ZNF510: variants seen among roughly 807,000 people sequenced by gnomAD.
ZNF510 encodes the protein zinc finger protein 510.
Under a neutral mutation model 18.1 loss-of-function variants are expected in ZNF510, and 15 were observed. That is an observed-to-expected ratio of 0.83 (90% CI 0.55 to 1.28). The LOEUF (loss-of-function observed/expected upper bound fraction) is 1.28, where lower values mean the gene tolerates loss of function less well. ZNF510 is among the 50% of genes most tolerant of loss of function. The pLI is 0.00. For synonymous variants in ZNF510, 261 were observed against 266.4 expected (o/e 0.98, Z 0.20); for missense variants, 724 against 791.8 (o/e 0.91, Z 1.03).
Position 96,754,686 on chromosome 9 carries a change from T to C in ZNF510, c.*4092A>G, listed in dbSNP as rs949680838. 6.6e-6 allele frequency among the ~76,000 whole-genome samples: 1 copy of C among 151,546 alleles called. No homozygotes were observed. The highest frequency in any genetic ancestry group is 1.5e-5 in the Non-Finnish European group (1 of 68,044). ...AAAATACCCGTGAATAGGGAACTTA[T>C]AGCAATATTTTACCTATTTATAATA... On this transcript the variant is annotated 3_prime_UTR_variant, in exon 6 of 6. Coordinates refer to ENST00000223428, the MANE Select transcript of ZNF510 (RefSeq NM_014930.3).
In ZNF510 at chr9:96,758,086, G is replaced by A. The variant is rs1237446150; in HGVS notation, c.*692C>T. 2 of 152,202 alleles carry A rather than the reference G, an allele frequency of 1.3e-5. No homozygotes were observed. The highest frequency in any genetic ancestry group is 2.9e-5 in the Non-Finnish European group (2 of 68,028). 9.4% of individuals were successfully genotyped at this position (152,202 alleles called of 1,614,324 possible). A position where few individuals can be genotyped will look rare whatever the true frequency, so the allele number is the denominator to read the frequency against. The stretch of plus-strand genomic sequence containing the variant: ...TAACTTTAAAGTACAGTTGACCATG[G>A]TTAATGGAAATTGCGTAAAGTGAAA... On this transcript the variant is annotated 3_prime_UTR_variant, in exon 6 of 6. Coordinates refer to ENST00000223428, the MANE Select transcript of ZNF510 (RefSeq NM_014930.3).
At position 96,758,874 on chromosome 9, in the gene ZNF510, C is replaced by T; in HGVS notation, c.1956G>A (p.Gly652=). The T allele has an allele frequency of 6.2e-7, 1 of 1,614,022 alleles. No homozygotes were observed. Among genetic ancestry groups the T allele is most frequent in the Non-Finnish European group, 8.5e-7 (1 of 1,179,960 alleles). Residue 652 remains glycine, a synonymous_variant, in exon 6 of 6, where the codon GGG becomes GGA. Coordinates refer to ENST00000223428, the MANE Select transcript of ZNF510 (RefSeq NM_014930.3). Reference sequence around the variant, plus strand: ...ATTCATTGCATTCATAAGATTTCTCCCCACTGTGAGTCCTTTGATGTATTC... The same window carrying T: ...ATTCATTGCATTCATAAGATTTCTCTCCACTGTGAGTCCTTTGATGTATTC... ...NLRIHQRTHS[G]EKSYECNEYG...
At position 96,759,678 on chromosome 9, in the gene ZNF510, T is replaced by C; in HGVS notation, c.1152A>G (p.Lys384=). The C allele has an allele frequency of 6.2e-7, 1 of 1,613,688 alleles. No individual in the cohort carries two copies. ...CTCTGTGAACCGACGTCTGGTAGGA[T>C]TTCTTATTTTCATGATATTCAGAGG... ...VKSSEYHENK[K]SYQTSVHRVR... is the part of the protein sequence containing the mutation. Residue 384 remains lysine, a synonymous_variant, in exon 6 of 6, where the codon AAA becomes AAG. Transcript: ENST00000223428.
rs756187329 is a variant in ZNF510, at chr9:96,754,808, G to A, written c.*3970C>T. ...GCAAGTATTTCTGAGTGCCTAATAC[G>A]AAGAGGGACTGCTTCATGTGTTTGA... On this transcript the variant is annotated 3_prime_UTR_variant, in exon 6 of 6. Coordinates refer to ENST00000223428, the MANE Select transcript of ZNF510 (RefSeq NM_014930.3). Among the ~76,000 whole-genome samples, 3 of 152,178 alleles carry A rather than the reference G, an allele frequency of 2.0e-5. No homozygotes were observed. Among genetic ancestry groups the A allele is most frequent in the Non-Finnish European group, 2.9e-5 (2 of 68,036 alleles).
At chr9:96,775,848 A>C in intron 2 of ZNF510, 152 bp downstream of exon 2, 1 of 926,598 alleles carries the variant, frequency 1.1e-6, no homozygotes, top group South Asian at 2.0e-5. Context: ...GCAAGAATGA[A>C]GAAAATGGGG....
rs1440978537 is a variant in ZNF510, at chr9:96,755,380, C to T, written c.*3398G>A. 6.6e-6 allele frequency among the ~76,000 whole-genome samples: 1 copy of T among 152,136 alleles called. No homozygotes were observed. Among genetic ancestry groups the T allele is most frequent in the African/African-American group, 2.4e-5 (1 of 41,430 alleles). On this transcript the variant is annotated 3_prime_UTR_variant, in exon 6 of 6. Coordinates refer to ENST00000223428, the MANE Select transcript of ZNF510 (RefSeq NM_014930.3). ...CAGAGTAAACAGTGATGTTTTGATTCTCAGGGACTAACTGGTCCTAACAGG... is the reference window on the plus strand; with the variant it reads ...CAGAGTAAACAGTGATGTTTTGATTTTCAGGGACTAACTGGTCCTAACAGG...
Position 96,764,981 on chromosome 9 carries a change from T to C in ZNF510, c.130-1349A>G, listed in dbSNP as rs559741841. Among the ~76,000 whole-genome samples, 92 of 150,506 alleles carry C rather than the reference T, an allele frequency of 6.1e-4. 1 individual carries two copies. Among genetic ancestry groups the C allele is most frequent in the African/African-American group, 2.3e-3 (90 of 39,990 alleles). On this transcript the variant is annotated intron_variant, in intron 3 of 5. Transcript: ENST00000223428. ...TACAAAAATTAGCCGGGTGTGGTGG[T>C]GAGTGCCTGTAATCCTAGCTACTCA... is the stretch of plus-strand genomic sequence containing the variant.
intron 5 of ZNF510, among the ~76,000 whole-genome samples, chr9:96,762,514 A>G (rs1336302568): frequency 6.8e-6 from 1 of 146,570 alleles, no homozygotes; most frequent in Non-Finnish European, 1.5e-5. Flanking sequence ...GTCTCAAAAA[A>G]AAAAAAAAAG....
In ZNF510 at chr9:96,755,684, T is replaced by A. The variant is rs1452142152; in HGVS notation, c.*3094A>T. Among the ~76,000 whole-genome samples the A allele has an allele frequency of 2.0e-5, 3 of 152,234 alleles. No homozygotes were observed. Among genetic ancestry groups the A allele is most frequent in the Non-Finnish European group, 4.4e-5 (3 of 68,048 alleles). On this transcript the variant is annotated 3_prime_UTR_variant, in exon 6 of 6. Transcript: ENST00000223428. ...GCCAGTCCTATTCACAAAATGATGT[T>A]ACTAAAATATCAGAATGTTTAATCA...
Position 96,759,002 on chromosome 9 carries a change from C to T in ZNF510, c.1828G>A (p.Val610Ile). The change falls in exon 6 of 6, where the codon GTC becomes ATC. Residue 610 changes from valine (V) to isoleucine (I), a missense_variant. Physicochemically the swap from Val to Ile is conservative, Grantham distance 29. Transcript: ENST00000223428. ...FKCNECGKKF[V>I]RKAILSDHQR... ...TGATCACTAAGGATTGCTTTCCGGACAAATTTCTTCCCACATTCATTACAT... is the reference window on the plus strand; with the variant it reads ...TGATCACTAAGGATTGCTTTCCGGATAAATTTCTTCCCACATTCATTACAT... 4.3e-6 allele frequency: 7 copies of T among 1,613,846 alleles called. No homozygotes were observed. Among genetic ancestry groups the T allele is most frequent in the Non-Finnish European group, 5.9e-6 (7 of 1,179,918 alleles).
intron 3 of ZNF510, among the ~76,000 whole-genome samples, chr9:96,767,935 A>T (rs1209728470): frequency 6.6e-6 from 1 of 152,222 alleles, no homozygotes; most frequent in Non-Finnish European, 1.5e-5. Flanking sequence ...TATGATATGT[A>T]TCCCTTCTGA....
rs920370069 is a variant in ZNF510, at chr9:96,759,158, G to A, written c.1672C>T (p.His558Tyr). The A allele has an allele frequency of 2.5e-6, 4 of 1,613,858 alleles. No homozygotes were observed. The South Asian group carries it at 4.4e-5, about 18-fold the overall frequency. The change falls in exon 6 of 6, where the codon CAT becomes TAT. Residue 558 changes from histidine (H) to tyrosine (Y), a missense_variant. By Grantham distance (83) the His-to-Tyr change is moderately conservative. Transcript: ENST00000223428. ...TGAGTTTTCTGATGTTGAATGAGAT[G>A]ATCTTTTCGCCAGAAGGATTTTTCA... ...ECEKSFWRKD[H>Y]LIQHQKTHTG...
At chr9:96,766,549 G>C (rs1849476599) in intron 3 of ZNF510, among the ~76,000 whole-genome samples, 1 of 151,794 alleles carries the variant, frequency 6.6e-6, no homozygotes, top group Non-Finnish European at 1.5e-5. Context: ...TCTGACCACT[G>C]ATATAGAAGA....
rs1463673930 is a variant in ZNF510 at position 96,774,796 on chromosome 9, T to A, written c.121A>T (p.Ile41Leu). 2.5e-6 allele frequency: 4 copies of A among 1,613,562 alleles called. No individual in the cohort carries two copies. In the African/African-American group the frequency reaches 5.3e-5, roughly 22 times the overall value. ...ATTAGTAATTAACTCACCTGAGATA[T>A]GTTCATTTTCTGCTGCTCCTGAAAG... The part of the protein sequence containing the change: ...TLFQEQQKMN[I>L]SQASVSFKDV... The change falls in exon 3 of 6, where the codon ATA becomes TTA. Residue 41 changes from isoleucine (I) to leucine (L), a missense_variant. Ile to Leu is a conservative substitution (Grantham distance 5). Transcript: ENST00000223428.
At position 96,758,652 on chromosome 9, in the gene ZNF510, T is replaced by G; in HGVS notation, c.*126A>C. On this transcript the variant is annotated 3_prime_UTR_variant, in exon 6 of 6. Transcript: ENST00000223428. ...TGGTTTCTTTCCTATGTGAATTCTC[T>G]GATTCACAGTGAGGGTTTACTTCTG... The G allele has an allele frequency of 1.0e-6, 1 of 963,204 alleles. No individual in the cohort carries two copies. Among genetic ancestry groups the G allele is most frequent in the Admixed American group, 3.0e-5 (1 of 33,026 alleles). 59.7% of individuals were successfully genotyped at this position (963,204 alleles called of 1,614,324 possible).
Position 96,757,903 on chromosome 9 carries a change from GACTA to G in ZNF510, c.*871_*874del, listed in dbSNP as rs1452230751. 1 of 152,122 alleles carries G rather than the reference GACTA, an allele frequency of 6.6e-6. No individual in the cohort carries two copies. The highest frequency in any genetic ancestry group is 2.4e-5 in the African/African-American group (1 of 41,438). 9.4% of individuals were successfully genotyped at this position (152,122 alleles called of 1,614,324 possible). A position where few individuals can be genotyped will look rare whatever the true frequency, so the allele number is the denominator to read the frequency against. On this transcript the variant is annotated 3_prime_UTR_variant, in exon 6 of 6. Coordinates refer to ENST00000223428, the MANE Select transcript of ZNF510 (RefSeq NM_014930.3). ...CTGATAACTAAAATGTCAAGTAAGT[GACTA>G]ACTGGCAGATAGTGTATACACTGTG...
intron 3 of ZNF510, among the ~76,000 whole-genome samples, chr9:96,769,532 T>C (rs1166124858): frequency 6.6e-6 from 1 of 152,038 alleles, no homozygotes; most frequent in African/African-American, 2.4e-5. Flanking sequence ...TAAACCTTTA[T>C]GACCTTGGAT....
At chr9:96,774,703 T>A (rs1849652685) in intron 3 of ZNF510, 85 bp downstream of exon 3, 5 of 1,221,746 alleles carry the variant, frequency 4.1e-6, no homozygotes, top group Middle Eastern at 5.4e-4. Flanking sequence ...ATGATTTTGA[T>A]CCATTTCTAC....
Position 96,756,976 on chromosome 9 carries a change from T to C in ZNF510, c.*1802A>G, listed in dbSNP as rs1180510942. The stretch of plus-strand genomic sequence containing the variant: ...TTATGGGAATTAATCCCTACTACAC[T>C]TTCAGATGTAAACATAACTGTAGTA... On this transcript the variant is annotated 3_prime_UTR_variant, in exon 6 of 6. Transcript: ENST00000223428. 1 of 152,260 alleles carries C rather than the reference T, an allele frequency of 6.6e-6. No homozygotes were observed. Among genetic ancestry groups the C allele is most frequent in the Admixed American group, 6.5e-5 (1 of 15,282 alleles). The allele number at this position is 152,260 out of a possible 1,614,324, so 9.4% of individuals were successfully genotyped here. A position where few individuals can be genotyped will look rare whatever the true frequency, so the allele number is the denominator to read the frequency against.
Sources: allele counts gnomAD v4.1 joint callset (sites outside exome capture counted in the v4.1 genomes callset), GRCh38; gene constraint gnomAD v4.1.1; transcripts MANE v1.5; gene names NCBI Gene and HGNC (gene_info 2026-07-23, HGNC 2026-07-21).